The following SYNE1 variants were observed in gnomAD, a reference collection of about 807,000 sequenced individuals.
The protein encoded by SYNE1 is spectrin repeat containing nuclear envelope protein 1, also known as nesprin-1.
In SYNE1, 616 loss-of-function variants were observed where a neutral mutation model predicts 1,111.0. That is an observed-to-expected ratio of 0.55 (90% confidence interval 0.52 to 0.59). The LOEUF is 0.59. Ranked by LOEUF, SYNE1 falls within the 20% of genes least tolerant of loss-of-function variation. The pLI is 0.00. For synonymous variants in SYNE1, 3,855 were observed against 3,825.8 expected (o/e 1.01, Z -0.28); for missense variants, 10,006 against 10,417.0 (o/e 0.96, Z 1.72).
intron 3 of SYNE1, among the ~76,000 whole-genome samples, chr6:152,590,353 G>A (rs868650887): frequency 1.7e-4 from 26 of 150,366 alleles, no homozygotes; most frequent in Admixed American, 4.6e-4. Flanking sequence ...AGACATGTAT[G>A]AGAGAAAATC....
At position 152,221,509 on chromosome 6, in the gene SYNE1, G is replaced by A; in HGVS notation, c.21573C>T (p.Gly7191=). 6.2e-7 allele frequency: 1 copy of A among 1,613,862 alleles called. No homozygotes were observed. Among genetic ancestry groups the A allele is most frequent in the Non-Finnish European group, 8.5e-7 (1 of 1,179,922 alleles). ...EKQERSLQKF[G]SITNQLLKEC... ...CTTTTAATAATTGGTTGGTGATAGA[G>A]CCAAATTTCTGTAAGCTCCTTTCCT... Residue 7191 remains glycine (G), a synonymous_variant, in exon 118 of 146, where the codon GGC becomes GGT. Transcript: ENST00000367255.
intron 2 of SYNE1, among the ~76,000 whole-genome samples, chr6:152,632,515 T>C (rs2099699517): frequency 6.6e-6 from 1 of 152,178 alleles, no homozygotes; most frequent in Admixed American, 6.5e-5. Context: ...TTAGGAAATA[T>C]CAGTTCTAGG....
intron 40 of SYNE1, among the ~76,000 whole-genome samples, chr6:152,417,496 TCAAACAAA>T (rs541192012): frequency 2.4e-4 from 31 of 131,166 alleles, no homozygotes; most frequent in Admixed American, 5.2e-4. Context: ...AAACTCCGTC[TCAAACAAA>T]CAAACAAACA....
chr6:152,290,012 T>C (rs1206521903), intron 95 of SYNE1, among the ~76,000 whole-genome samples: 1 of 151,320 alleles, frequency 6.6e-6, no homozygotes. Context: ...CAACCCTGCT[T>C]AACTTCCAAG....
chr6:152,568,832 G>C (rs1436762164), intron 3 of SYNE1, among the ~76,000 whole-genome samples: 1 of 152,100 alleles, frequency 6.6e-6, no homozygotes, highest in African/African-American at 2.4e-5. Flanking sequence ...TGTAAGCAAA[G>C]ATATGGACCA....
At position 152,150,848 on chromosome 6, in the gene SYNE1, G is replaced by T. The variant is rs548654632; in HGVS notation, c.24450+705C>A. 1.4e-4 allele frequency among the ~76,000 whole-genome samples: 21 copies of T among 152,258 alleles called. 1 individual carries two copies. In the South Asian group the frequency reaches 3.9e-3, roughly 29 times the overall value. On this transcript the variant is annotated intron_variant, in intron 135 of 145. Coordinates refer to ENST00000367255, the MANE Select transcript of SYNE1 (RefSeq NM_182961.4). Reference sequence around the variant, plus strand: ...AATCCCGACATAGGAAAGTTGTATTGCTTTGCAACATGGAGGTTAAAGGAA... The same window carrying T: ...AATCCCGACATAGGAAAGTTGTATTTCTTTGCAACATGGAGGTTAAAGGAA...
chr6:152,232,630 C>A (rs1295468908), intron 112 of SYNE1, among the ~76,000 whole-genome samples: 1 of 152,082 alleles, frequency 6.6e-6, no homozygotes, highest in Non-Finnish European at 1.5e-5. Flanking sequence ...CTTGTAAAAT[C>A]TCTGCATATT....
rs1001955884 is a variant in SYNE1, at chr6:152,483,233, A to G, written c.1202T>C (p.Ile401Thr). The change falls in exon 14 of 146, where the codon ATA becomes ACA. Residue 401 changes from isoleucine (I) to threonine (T), a missense_variant. Coordinates refer to ENST00000367255, the MANE Select transcript of SYNE1 (RefSeq NM_182961.4). The part of the protein sequence containing the change: ...RVTSRLFDWH[I>T]QLDKSLPAPL... ...TGCAGGAAGAGATTTATCAAGCTGT[A>G]TATGCCAGTCAAAGAGCTAAAATTT... is the stretch of plus-strand genomic sequence containing the variant. 2.5e-6 allele frequency: 4 copies of G among 1,614,198 alleles called. No homozygotes were observed. The highest frequency in any genetic ancestry group is 3.4e-6 in the Non-Finnish European group (4 of 1,180,016).
At position 152,488,483 on chromosome 6, in the gene SYNE1, AAAAATTACTCTGTCTTCTCTCTG is replaced by A; in HGVS notation, c.940-3_959del. On this transcript the variant is annotated splice_acceptor_variant and splice_polypyrimidine_tract_variant and coding_sequence_variant and intron_variant, in exon 12 of 146. Transcript: ENST00000367255. LOFTEE classifies it high-confidence loss of function. ...GTTCTATCCAAACTTTCATTTCCTT[AAAAATTACTCTGTCTTCTCTCTG>A]GAAATGAGGAGACATTACAATTTTA... 6.3e-7 allele frequency: 1 copy of A among 1,596,854 alleles called. No homozygotes were observed.
chr6:152,513,339 C>T (rs1368392302), intron 6 of SYNE1, among the ~76,000 whole-genome samples: 1 of 151,904 alleles, frequency 6.6e-6, no homozygotes, highest in Non-Finnish European at 1.5e-5. Flanking sequence ...AGCATGGGGC[C>T]CTAATCTAAT....
At chr6:152,182,959 G>GA (rs1283457908) in intron 128 of SYNE1, among the ~76,000 whole-genome samples, 1 of 144,588 alleles carries the variant, frequency 6.9e-6, no homozygotes, top group Non-Finnish European at 1.5e-5. Flanking sequence ...TTTGGAGGCA[G>GA]AATAATACAG....
At position 152,376,376 on chromosome 6, in the gene SYNE1, C is replaced by G; in HGVS notation, c.9324+5G>C. ...GCTACTAGAATTAATTGATAACACC[C>G]TTACCTGTATTTTCTGAAGACTAGT... On this transcript the variant is annotated splice_donor_5th_base_variant and intron_variant, in intron 58 of 145. Transcript: ENST00000367255. 6.2e-7 allele frequency: 1 copy of G among 1,613,850 alleles called. No homozygotes were observed. The highest frequency in any genetic ancestry group is 8.5e-7 in the Non-Finnish European group (1 of 1,179,810).
At chr6:152,309,029 G>A (rs1334004358) in intron 90 of SYNE1, among the ~76,000 whole-genome samples, 3 of 152,082 alleles carry the variant, frequency 2.0e-5, no homozygotes, top group African/African-American at 4.8e-5. Flanking sequence ...ATAAAAATAC[G>A]AATTATGGGC....
intron 130 of SYNE1, among the ~76,000 whole-genome samples, chr6:152,172,052 T>A (rs1167806236): frequency 1.3e-5 from 2 of 152,148 alleles, no homozygotes; most frequent in Non-Finnish European, 2.9e-5. Flanking sequence ...ATATAGAGAT[T>A]AAAAACAACC....
rs1286557757 is a variant in SYNE1, at chr6:152,253,813, GTTTGGTTTTTTTTTTTTTTTTTTT to G, written c.19470+1043_19470+1066del. Among the ~76,000 whole-genome samples the G allele has an allele frequency of 8.4e-4, 28 of 33,234 alleles. 1 individual carries two copies. The highest frequency in any genetic ancestry group is 2.1e-3 in the African/African-American group (22 of 10,454). The allele number at this position is 33,234 out of a possible 152,430, so 21.8% of individuals were successfully genotyped here. The stretch of plus-strand genomic sequence containing the variant: ...GCTAATGCTACATTTATGTGTAGTG[GTTTGGTTTTTTTTTTTTTTTTTTT>G]TTTTTTTTTTTTTTTTTTTTTTTGC... On this transcript the variant is annotated intron_variant, in intron 104 of 145. Transcript: ENST00000367255.
intron 119 of SYNE1, among the ~76,000 whole-genome samples, chr6:152,220,358 G>T (rs1306999516): frequency 6.6e-6 from 1 of 152,062 alleles, no homozygotes; most frequent in African/African-American, 2.4e-5. Flanking sequence ...GTGAAAAAGA[G>T]AATTATTAAA....
At chr6:152,254,465 G>C (rs531744475) in intron 104 of SYNE1, among the ~76,000 whole-genome samples, 1 of 151,860 alleles carries the variant, frequency 6.6e-6, no homozygotes, top group Non-Finnish European at 1.5e-5. Flanking sequence ...GGCCAAGCTG[G>C]TCTCAAACTC....
At chr6:152,300,332 G>C (rs1034673106) in intron 93 of SYNE1, among the ~76,000 whole-genome samples, 1 of 152,158 alleles carries the variant, frequency 6.6e-6, no homozygotes, top group Non-Finnish European at 1.5e-5. Flanking sequence ...TTTATTTTCT[G>C]TTGGATGCAG....
chr6:152,225,299 ACACG>A (rs771555813), intron 116 of SYNE1, among the ~76,000 whole-genome samples: 8,706 of 120,636 alleles, frequency 0.072, 364 homozygotes, highest in Admixed American at 0.16. Context: ...ACACACACAC[ACACG>A]CACACACACA....
Sources: allele counts gnomAD v4.1 joint callset (sites outside exome capture counted in the v4.1 genomes callset), GRCh38; gene constraint gnomAD v4.1.1; transcripts MANE v1.5; gene names NCBI Gene and HGNC (gene_info 2026-07-23, HGNC 2026-07-21).